Variants in ADGRA2 observed in about 807,000 individuals in gnomAD.
The protein encoded by ADGRA2 is G-protein coupled receptor 124.
ADGRA2 carries 61 observed loss-of-function variants against 98.7 expected under a neutral mutation model. The ratio of observed to expected loss-of-function variants is 0.62; its 90% CI spans 0.50 to 0.76. The LOEUF (loss-of-function observed/expected upper bound fraction) is 0.76. Ranked by LOEUF, ADGRA2 falls within the 30% of genes least tolerant of loss-of-function variation. The pLI is 0.00. For missense variants in ADGRA2, 1,712 were observed against 1,860.0 expected (o/e 0.92, Z 1.46); for synonymous variants, 858 against 831.5 (o/e 1.03, Z -0.55).
chr8:37,797,556 T>C lies in ADGRA2; in HGVS notation c.266+22T>C, dbSNP rs1585957077. 1.5e-6 allele frequency: 2 copies of C among 1,356,760 alleles called. No homozygotes were observed. Among genetic ancestry groups the C allele is most frequent in the South Asian group, 2.1e-5 (1 of 47,944 alleles). 84.0% of individuals were successfully genotyped at this position (1,356,760 alleles called of 1,614,324 possible). ...CCCTGTGAGTACCCTACCAGGCCAG[T>C]TCCGTCCGAGCCGGGACTGGGGACG... On this transcript the variant is annotated intron_variant, in intron 1 of 18. Coordinates refer to ENST00000412232, the MANE Select transcript of ADGRA2 (RefSeq NM_032777.10). The surrounding 1 kb of genome is among the most constrained non-coding windows in gnomAD (Gnocchi z 5.3).
chr8:37,826,359 C>T (rs1217809670), intron 2 of ADGRA2, among the ~76,000 whole-genome samples: 1 of 152,118 alleles, frequency 6.6e-6, no homozygotes, highest in Non-Finnish European at 1.5e-5. Flanking sequence ...CAGAGGGGCA[C>T]CCCTGGCAGC....
At position 37,841,654 on chromosome 8, in the gene ADGRA2, G is replaced by A. The variant is rs779131291; in HGVS notation, c.3316G>A (p.Gly1106Ser). The change falls in exon 19 of 19, where the codon GGT becomes AGT. Residue 1106 changes from glycine (G) to serine (S), a missense_variant. Gly to Ser is a moderately conservative substitution (Grantham distance 56). Transcript: ENST00000412232. The surrounding 1 kb of genome is among the most constrained non-coding windows in gnomAD (Gnocchi z 5.0). ...PRALPAAAED[G>S]SPVFGEGPPS... ...GGCCCTGCCCGCCGCCGCAGAGGAC[G>A]GTTCCCCGGTGTTCGGGGAGGGCCC... The A allele has an allele frequency of 4.1e-5, 63 of 1,525,008 alleles. No individual in the cohort carries two copies. Among genetic ancestry groups the A allele is most frequent in the Non-Finnish European group, 5.5e-5 (62 of 1,136,220 alleles). 94.5% of individuals were successfully genotyped at this position (1,525,008 alleles called of 1,614,324 possible). A position where few individuals can be genotyped will look rare whatever the true frequency, so the allele number is the denominator to read the frequency against.
At chr8:37,831,637 C>G in intron 8 of ADGRA2, 50 bp downstream of exon 8, 1 of 1,556,690 alleles carries the variant, frequency 6.4e-7, no homozygotes, top group Non-Finnish European at 8.8e-7. Context: ...CAACCCCACC[C>G]TTGCACCTGA....
chr8:37,811,127 A>AC (rs1242021115), intron 1 of ADGRA2, among the ~76,000 whole-genome samples: 3 of 147,566 alleles, frequency 2.0e-5, no homozygotes, highest in Non-Finnish European at 4.5e-5. Context: ...AACAAAAAAA[A>AC]AAAAAAAAAA....
In ADGRA2 at chr8:37,835,384, T is replaced by C; in HGVS notation, c.1819T>C (p.Ser607Pro). The C allele has an allele frequency of 5.6e-6, 9 of 1,609,366 alleles. No individual in the cohort carries two copies. The highest frequency in any genetic ancestry group is 7.6e-6 in the Non-Finnish European group (9 of 1,179,140). The change falls in exon 12 of 19, where the codon TCC becomes CCC. Residue 607 changes from serine to proline, a missense_variant. Physicochemically the swap from Ser to Pro is moderately conservative, Grantham distance 74. Coordinates refer to ENST00000412232, the MANE Select transcript of ADGRA2 (RefSeq NM_032777.10). ...CGGGAGGCCCAATGTTTCTCTGTCG[T>C]CCTTCCACATCAAGGTGGGCGCTGG... The part of the protein sequence containing the change: ...TTGRPNVSLS[S>P]FHIKNSVALA...
chr8:37,835,318 G>T lies in ADGRA2; in HGVS notation c.1753G>T (p.Glu585Ter). 1 of 1,613,612 alleles carries T rather than the reference G, an allele frequency of 6.2e-7. No individual in the cohort carries two copies. The highest frequency in any genetic ancestry group is 8.5e-7 in the Non-Finnish European group (1 of 1,179,978). The stretch of plus-strand genomic sequence containing the variant: ...TGGCCAGAACCCCCCACCTGAGCCC[G>T]AGCCCCCAGCTGACCAGCAGCTCCG... Reference protein sequence around the residue: ...SPGQNPPPEPEPPADQQLRFR... With the variant: ...SPGQNPPPEP Residue 585 changes from glutamate (E) to a stop codon, truncating the protein, a stop_gained, in exon 12 of 19, where the codon GAG becomes TAG. Transcript: ENST00000412232. LOFTEE classifies it high-confidence loss of function.
chr8:37,804,100 G>GACACACAC (rs60565183), intron 1 of ADGRA2, among the ~76,000 whole-genome samples: 9,033 of 106,932 alleles, frequency 0.084, 677 homozygotes, highest in Non-Finnish European at 0.11. Context: ...CCCACGGTGA[G>GACACACAC]ACACACACAC....
chr8:37,840,667 T>C, intron 17 of ADGRA2, 93 bp from the exon 18 acceptor site: 5 of 744,152 alleles, frequency 6.7e-6, no homozygotes, highest in Non-Finnish European at 1.2e-5. Context: ...GGAAAGAGGA[T>C]GGGACAGAAA....
At chr8:37,832,035 C>T (rs1805469888) in intron 8 of ADGRA2, among the ~76,000 whole-genome samples, 1 of 152,110 alleles carries the variant, frequency 6.6e-6, no homozygotes, top group Non-Finnish European at 1.5e-5. Context: ...ACTCCAGCCT[C>T]AGCCTAGGAG....
rs1804927450 is a variant in ADGRA2, at chr8:37,814,661, C to G, written c.267-235C>G. 6.6e-6 allele frequency among the ~76,000 whole-genome samples: 1 copy of G among 152,230 alleles called. No individual in the cohort carries two copies. On this transcript the variant is annotated intron_variant, in intron 1 of 18. Coordinates refer to ENST00000412232, the MANE Select transcript of ADGRA2 (RefSeq NM_032777.10). The surrounding 1 kb of genome is among the most constrained non-coding windows in gnomAD (Gnocchi z 4.3). ...CACCTCCCACCTGCACACAGAGCCC[C>G]ACGTCAGAGCCAGGCTTGGAGGAGA...
intron 13 of ADGRA2, among the ~76,000 whole-genome samples, chr8:37,836,647 A>G (rs1466706047): frequency 6.6e-6 from 1 of 151,876 alleles, no homozygotes; most frequent in African/African-American, 2.4e-5. Flanking sequence ...TCTGGCCCCC[A>G]CACCTCCACC....
Position 37,829,762 on chromosome 8 carries a change from T to C in ADGRA2, c.555-89T>C, listed in dbSNP as rs1805398817. 1.9e-5 allele frequency: 26 copies of C among 1,355,934 alleles called. No homozygotes were observed. In the South Asian group the frequency reaches 3.2e-4, roughly 17 times the overall value. The allele number at this position is 1,355,934 out of a possible 1,614,324, so 84.0% of individuals were successfully genotyped here. On this transcript the variant is annotated intron_variant, in intron 5 of 18. Coordinates refer to ENST00000412232, the MANE Select transcript of ADGRA2 (RefSeq NM_032777.10). ...ACCCGATTTTGCCCCTCCTACCCTC[T>C]CCAGCTTCATCCCTCCCTGGGGCCC... is the stretch of plus-strand genomic sequence containing the variant.
At chr8:37,816,328 C>A (rs896824174) in intron 2 of ADGRA2, among the ~76,000 whole-genome samples, 2 of 151,534 alleles carry the variant, frequency 1.3e-5, no homozygotes, top group Non-Finnish European at 2.9e-5. Flanking sequence ...CGCGGTGGCT[C>A]ACACCTATAT....
intron 1 of ADGRA2, among the ~76,000 whole-genome samples, chr8:37,808,685 C>T (rs1299777226): frequency 1.3e-5 from 2 of 152,130 alleles, no homozygotes; most frequent in Non-Finnish European, 2.9e-5. Flanking sequence ...GGCACAGTGG[C>T]TCATCCCTAT....
chr8:37,830,357 T>C lies in ADGRA2; in HGVS notation c.718+343T>C, dbSNP rs541558619. On this transcript the variant is annotated intron_variant, in intron 6 of 18. Transcript: ENST00000412232. This position sits in a 1 kb window ranked among gnomAD's most constrained non-coding sequence, Gnocchi z 4.8. ...TCTCCCTACTCCGCCTATGACTGTG[T>C]GCTGGGCGTGTCCTCCAGGGCATCC... 4.6e-4 allele frequency among the ~76,000 whole-genome samples: 70 copies of C among 152,334 alleles called. No individual in the cohort carries two copies. Among genetic ancestry groups the C allele is most frequent in the African/African-American group, 1.7e-3 (69 of 41,572 alleles).
At chr8:37,835,135 C>T (rs1477720689) in intron 11 of ADGRA2, 39 bp from the exon 12 acceptor site, 2 of 1,475,552 alleles carry the variant, frequency 1.4e-6, no homozygotes, top group African/African-American at 1.4e-5. Flanking sequence ...CAGAAGGCCA[C>T]CATCTCAAAT....
At position 37,840,238 on chromosome 8, in the gene ADGRA2, G is replaced by A. The variant is rs371552298; in HGVS notation, c.2629G>A (p.Ala877Thr). ...ACCCCCTCCGCAAGAAGGGGACCCC[G>A]CTCTGCCTACTCCCAGTCCTATGCT... ...RAPPPQEGDP[A>T]LPTPSPMLRF... is the part of the protein sequence containing the mutation. Residue 877 changes from alanine to threonine, a missense_variant, in exon 17 of 19, where the codon GCT becomes ACT. By Grantham distance (58) the Ala-to-Thr change is moderately conservative. Coordinates refer to ENST00000412232, the MANE Select transcript of ADGRA2 (RefSeq NM_032777.10). 34 of 1,612,616 alleles carry A rather than the reference G, an allele frequency of 2.1e-5. No individual in the cohort carries two copies. Among genetic ancestry groups the A allele is most frequent in the East Asian group, 8.9e-5 (4 of 44,886 alleles).
chr8:37,797,548 C>A lies in ADGRA2; in HGVS notation c.266+14C>A. On this transcript the variant is annotated intron_variant, in intron 1 of 18. Coordinates refer to ENST00000412232, the MANE Select transcript of ADGRA2 (RefSeq NM_032777.10). This position sits in a 1 kb window ranked among gnomAD's most constrained non-coding sequence, Gnocchi z 5.3. ...CACCGTTACCCTGTGAGTACCCTAC[C>A]AGGCCAGTTCCGTCCGAGCCGGGAC... 7.3e-7 allele frequency: 1 copy of A among 1,362,906 alleles called. No individual in the cohort carries two copies. Among genetic ancestry groups the A allele is most frequent in the South Asian group, 2.0e-5 (1 of 49,028 alleles). 84.4% of individuals were successfully genotyped at this position (1,362,906 alleles called of 1,614,324 possible). A position where few individuals can be genotyped will look rare whatever the true frequency, so the allele number is the denominator to read the frequency against.
chr8:37,838,981 T>C lies in ADGRA2; in HGVS notation c.2285T>C (p.Val762Ala), dbSNP rs1805701014. Residue 762 changes from valine to alanine, a missense_variant, in exon 15 of 19, where the codon GTG becomes GCG. Transcript: ENST00000412232. ...GAGCTGAGCGCCTTTCCCAGGGAGG[T>C]GGGGGGCGCCGGGGCAGGGCTGCAC... ...LMELSAFPREVGGAGAGLHPV... is the reference protein window; with the variant it reads ...LMELSAFPREAGGAGAGLHPV... The C allele has an allele frequency of 1.3e-6, 2 of 1,575,212 alleles. No individual in the cohort carries two copies. Among genetic ancestry groups the C allele is most frequent in the Non-Finnish European group, 1.7e-6 (2 of 1,161,070 alleles).
Sources: gnomAD v4.1 joint callset for allele counts (sites outside exome capture counted in the v4.1 genomes callset) on GRCh38, gnomAD v4.1.1 for gene constraint, Gnocchi (gnomAD v3.1) non-coding constraint, MANE v1.5 for transcripts, NCBI Gene and HGNC (gene_info 2026-07-23, HGNC 2026-07-21) for gene names.